The following BTBD9 variants were observed in gnomAD, a reference collection of about 807,000 sequenced individuals.
BTBD9 encodes BTB/POZ domain-containing protein 9.
BTBD9 carries 49 observed loss-of-function variants against 64.3 expected under a neutral mutation model. The ratio of observed to expected loss-of-function variants is 0.76; its 90% CI spans 0.61 to 0.97. The LOEUF (loss-of-function observed/expected upper bound fraction) is 0.97, where lower values mean the gene tolerates loss of function less well. Ranked by LOEUF, BTBD9 falls within the 50% of genes least tolerant of loss-of-function variation. The pLI, the probability that BTBD9 is intolerant of heterozygous loss-of-function variation, is 0.00. For synonymous variants in BTBD9, 260 were observed against 274.7 expected, an observed-to-expected ratio of 0.95 and a Z score of 0.53; for missense variants, 598 against 762.1, an observed-to-expected ratio of 0.78 and a Z score of 2.53.
intron 9 of BTBD9, among the ~76,000 whole-genome samples, chr6:38,226,564 C>G (rs7738411): frequency 0.82 from 124,932 of 152,194 alleles, 51,418 homozygotes; most frequent in East Asian, 0.97. Flanking sequence ...TCTGCCCCAA[C>G]TGCCCCCAAA....
At chr6:38,353,730 C>T (rs1215029206) in intron 6 of BTBD9, among the ~76,000 whole-genome samples, 1 of 152,160 alleles carries the variant, frequency 6.6e-6, no homozygotes, top group Non-Finnish European at 1.5e-5. Context: ...ATTATCTTTT[C>T]CAGTTTATCC....
intron 6 of BTBD9, among the ~76,000 whole-genome samples, chr6:38,371,196 TA>T (rs1408741419): frequency 6.6e-6 from 1 of 152,202 alleles, no homozygotes; most frequent in Non-Finnish European, 1.5e-5. Flanking sequence ...TCAGCAGTAT[TA>T]GTTTACTGAA....
chr6:38,334,654 TAAAACAAAACAAAAC>T (rs150876258), intron 7 of BTBD9, among the ~76,000 whole-genome samples: 33 of 135,546 alleles, frequency 2.4e-4, no homozygotes, highest in African/African-American at 1.1e-3. Flanking sequence ...TAAAATAAAA[TAAAACAAAACAAAAC>T]AAAACAAAAC....
At chr6:38,639,234 T>C (rs1317751482) in intron 1 of BTBD9, among the ~76,000 whole-genome samples, 1 of 152,220 alleles carries the variant, frequency 6.6e-6, no homozygotes, top group Non-Finnish European at 1.5e-5. Context: ...CATGTGAAGT[T>C]AGAAACTCTA....
chr6:38,421,829 G>T (rs1767915161), intron 6 of BTBD9, among the ~76,000 whole-genome samples: 1 of 151,958 alleles, frequency 6.6e-6, no homozygotes, highest in Non-Finnish European at 1.5e-5. Flanking sequence ...TAATGCAAAA[G>T]AAATAAAGAA....
At chr6:38,265,436 T>C (rs1764938032) in intron 8 of BTBD9, among the ~76,000 whole-genome samples, 1 of 151,728 alleles carries the variant, frequency 6.6e-6, no homozygotes, top group South Asian at 2.1e-4. Context: ...CTGGAGGATA[T>C]AACTGTGGAA....
At chr6:38,470,723 T>C (rs1234376094) in intron 6 of BTBD9, among the ~76,000 whole-genome samples, 4 of 152,232 alleles carry the variant, frequency 2.6e-5, no homozygotes, top group African/African-American at 9.6e-5. Flanking sequence ...GATGATGGCA[T>C]GAGCCATCTA....
At chr6:38,530,078 T>A (rs1773719276) in intron 6 of BTBD9, among the ~76,000 whole-genome samples, 1 of 152,152 alleles carries the variant, frequency 6.6e-6, no homozygotes, top group Non-Finnish European at 1.5e-5. Context: ...AAACAGCCAC[T>A]CTGGGAATGT....
In BTBD9 at chr6:38,272,425, G is replaced by C. The variant is rs535278605; in HGVS notation, c.1454+15847C>G. 2.0e-5 allele frequency among the ~76,000 whole-genome samples: 3 copies of C among 152,256 alleles called. No individual in the cohort carries two copies. In the East Asian group the frequency reaches 5.8e-4, roughly 29 times the overall value. ...ATTATAAAAAGCATTTTACAAGATA[G>C]CTGGCCAGGGCAGTCTATGACCACA... On this transcript the variant is annotated intron_variant, in intron 8 of 10. Transcript: ENST00000481247.
At chr6:38,397,350 T>A (rs923382456) in intron 6 of BTBD9, among the ~76,000 whole-genome samples, 1 of 152,086 alleles carries the variant, frequency 6.6e-6, no homozygotes, top group South Asian at 2.1e-4. Context: ...GCAATGGAGA[T>A]GTAGAAAAGA....
chr6:38,368,568 C>T (rs977824067), intron 6 of BTBD9, among the ~76,000 whole-genome samples: 3 of 152,136 alleles, frequency 2.0e-5, no homozygotes, highest in Non-Finnish European at 4.4e-5. Flanking sequence ...CTCCTGACCT[C>T]ATGATCCGCC....
In BTBD9 at chr6:38,430,464, A is replaced by G. The variant is rs183453308; in HGVS notation, c.1155-85371T>C. Reference sequence around the variant, plus strand: ...CATCTTGAACTCCTGGCCTCAAGCAATCTTCCCACCTTGGCCTCACAAAGG... The same window carrying G: ...CATCTTGAACTCCTGGCCTCAAGCAGTCTTCCCACCTTGGCCTCACAAAGG... On this transcript the variant is annotated intron_variant, in intron 6 of 10. Transcript: ENST00000481247. Among the ~76,000 whole-genome samples the G allele has an allele frequency of 8.1e-3, 1,218 of 150,404 alleles. 9 individuals are homozygous for G. Among genetic ancestry groups the G allele is most frequent in the Middle Eastern group, 0.014 (4 of 286 alleles).
chr6:38,219,129 C>CTTTTTT (rs5875622), intron 9 of BTBD9, among the ~76,000 whole-genome samples: 26 of 70,884 alleles, frequency 3.7e-4, no homozygotes, highest in South Asian at 1.0e-3. Context: ...ACTTTCTTTT[C>CTTTTTT]TTTTTTTTTT....
intron 6 of BTBD9, among the ~76,000 whole-genome samples, chr6:38,423,574 G>A (rs1768008316): frequency 6.6e-6 from 1 of 152,150 alleles, no homozygotes; most frequent in Non-Finnish European, 1.5e-5. Context: ...AAAGTGCTGG[G>A]ATTACAGGTG....
At chr6:38,513,032 A>G (rs1344348106) in intron 6 of BTBD9, among the ~76,000 whole-genome samples, 1 of 152,212 alleles carries the variant, frequency 6.6e-6, no homozygotes, top group African/African-American at 2.4e-5. Flanking sequence ...TATAAATTCC[A>G]AGGAGTTCTT....
intron 7 of BTBD9, among the ~76,000 whole-genome samples, chr6:38,338,165 A>G (rs956396952): frequency 1.3e-5 from 2 of 152,202 alleles, no homozygotes; most frequent in African/African-American, 4.8e-5. Context: ...AACTTCATGT[A>G]GTACCAAACT....
chr6:38,322,164 C>T (rs185802117), intron 7 of BTBD9, among the ~76,000 whole-genome samples: 6 of 152,182 alleles, frequency 3.9e-5, no homozygotes, highest in Non-Finnish European at 8.8e-5. Flanking sequence ...AATCAGCATT[C>T]TGGCTGATAA....
chr6:38,297,851 T>C (rs1762216628), intron 7 of BTBD9, among the ~76,000 whole-genome samples: 1 of 150,530 alleles, frequency 6.6e-6, no homozygotes, highest in African/African-American at 2.4e-5. Context: ...CTTTTTTTTT[T>C]TTTTTCTGAG....
chr6:38,572,783 G>A (rs1370498725), intron 6 of BTBD9, among the ~76,000 whole-genome samples: 2 of 149,612 alleles, frequency 1.3e-5, no homozygotes, highest in Admixed American at 6.6e-5. Flanking sequence ...AAAACAAGTA[G>A]TGGAAAAAAT....
Sources: allele counts gnomAD v4.1 joint callset (sites outside exome capture counted in the v4.1 genomes callset), GRCh38; gene constraint gnomAD v4.1.1; transcripts MANE v1.5; gene names NCBI Gene and HGNC (gene_info 2026-07-23, HGNC 2026-07-21).